FAM161A: variants seen among roughly 807,000 people sequenced by gnomAD.
FAM161A encodes FAM161 centrosomal protein A, also known as protein FAM161A.
Under a neutral mutation model 70.9 loss-of-function variants are expected in FAM161A, and 57 were observed. That is an observed-to-expected ratio of 0.80 (90% CI 0.65 to 1.00). The LOEUF is 1.00. FAM161A is among the 50% of genes least tolerant of loss of function. The pLI, the probability that FAM161A is intolerant of heterozygous loss-of-function variation, is 0.00. For synonymous variants in FAM161A, 299 were observed against 295.7 expected (o/e 1.01, Z -0.12); for missense variants, 880 against 836.0 (o/e 1.05, Z -0.65).
chr2:61,806,678 G>GTTTTTT, the FAM161A span, among the ~76,000 whole-genome samples: 1 of 80,066 alleles, frequency 1.2e-5, no homozygotes, highest in Admixed American at 1.2e-4. Context: ...TGCTTTCCAC[G>GTTTTTT]TCTTTTTTTT....
At chr2:61,811,531 G>A in the FAM161A span, among the ~76,000 whole-genome samples, 4 of 152,168 alleles carry the variant, frequency 2.6e-5, no homozygotes, top group East Asian at 5.8e-4. Context: ...GATCCACCAC[G>A]CCCTGCTAAT....
At position 61,825,637 on chromosome 2, in the gene FAM161A, T is replaced by C. The variant is rs866134535; in HGVS notation, c.*818A>G. The C allele has an allele frequency of 6.9e-6, 3 of 432,896 alleles. No homozygotes were observed. Among genetic ancestry groups the C allele is most frequent in the Middle Eastern group, 7.6e-4 (1 of 1,312 alleles). 26.8% of individuals were successfully genotyped at this position (432,896 alleles called of 1,614,324 possible). Reference sequence around the variant, plus strand: ...ATTTGCAAGTATCCATTTTTTTCTATACTTTTTTTTTTTTTTTGGAGACGG... The same window carrying C: ...ATTTGCAAGTATCCATTTTTTTCTACACTTTTTTTTTTTTTTTGGAGACGG... On this transcript the variant is annotated 3_prime_UTR_variant, in exon 7 of 7. Coordinates refer to ENST00000404929, the MANE Select transcript of FAM161A (RefSeq NM_001201543.2).
chr2:61,836,347 T>A, intron 4 of FAM161A: 1 of 451,648 alleles, frequency 2.2e-6, no homozygotes, highest in Non-Finnish European at 4.0e-6. Context: ...ATCACACATA[T>A]TATGCTCTAG....
At chr2:61,810,401 C>G in the FAM161A span, among the ~76,000 whole-genome samples, 1 of 151,614 alleles carries the variant, frequency 6.6e-6, no homozygotes, top group East Asian at 1.9e-4. Flanking sequence ...ATTCCTTACC[C>G]TACACCTCAC....
At chr2:61,835,915 A>G (rs1292749011) in intron 5 of FAM161A, 95 bp downstream of exon 5, 6 of 840,570 alleles carry the variant, frequency 7.1e-6, no homozygotes, top group Non-Finnish European at 1.2e-5. Flanking sequence ...ACAGTTATAT[A>G]ACACATAAGA....
chr2:61,847,833 C>A (rs573366092), intron 1 of FAM161A, among the ~76,000 whole-genome samples: 1 of 152,118 alleles, frequency 6.6e-6, no homozygotes, highest in African/African-American at 2.4e-5. Flanking sequence ...TGTTGTGTCC[C>A]CAGTGTCTAG....
chr2:61,832,208 G>A (rs1340282233), intron 5 of FAM161A, among the ~76,000 whole-genome samples: 1 of 141,992 alleles, frequency 7.0e-6, no homozygotes, highest in Non-Finnish European at 1.5e-5. Flanking sequence ...TCATGCCACT[G>A]CACTCCAGCC....
intron 5 of FAM161A, chr2:61,835,522 T>C (rs1377614760): frequency 6.6e-6 from 1 of 152,556 alleles, no homozygotes; most frequent in Non-Finnish European, 1.5e-5. Context: ...TTTGTTTCAT[T>C]TTTTTAATTC....
chr2:61,833,850 C>T (rs142048804), intron 5 of FAM161A, among the ~76,000 whole-genome samples: 1 of 152,102 alleles, frequency 6.6e-6, no homozygotes, highest in African/African-American at 2.4e-5. Flanking sequence ...GGCCATACAG[C>T]GAGACCCAGT....
At chr2:61,852,072 C>T (rs780465879) in intron 1 of FAM161A, among the ~76,000 whole-genome samples, 1 of 152,162 alleles carries the variant, frequency 6.6e-6, no homozygotes, top group Non-Finnish European at 1.5e-5. Flanking sequence ...CCAGCCTGTG[C>T]CCCCTGGCTA....
intron 1 of FAM161A, among the ~76,000 whole-genome samples, chr2:61,851,738 G>T (rs1673504160): frequency 6.6e-6 from 1 of 151,636 alleles, no homozygotes; most frequent in Non-Finnish European, 1.5e-5. Context: ...GCCCAATATG[G>T]GCACTGCAAG....
the FAM161A span, among the ~76,000 whole-genome samples, chr2:61,807,222 C>G: frequency 6.6e-6 from 1 of 150,576 alleles, no homozygotes; most frequent in Non-Finnish European, 1.5e-5. Context: ...AAAGCCCAGA[C>G]AACGGAAATG....
At chr2:61,850,462 G>T (rs936816154) in intron 1 of FAM161A, among the ~76,000 whole-genome samples, 1 of 151,906 alleles carries the variant, frequency 6.6e-6, no homozygotes, top group Non-Finnish European at 1.5e-5. Flanking sequence ...TATGTATATC[G>T]ACAGTGGAGC....
chr2:61,853,908 A>G lies in FAM161A; in HGVS notation c.134T>C (p.Ile45Thr). The G allele has an allele frequency of 6.2e-7, 1 of 1,613,920 alleles. No homozygotes were observed. The highest frequency in any genetic ancestry group is 1.3e-5 in the African/African-American group (1 of 75,024). ...TTTCTCCTCCTCTTCGTCCTCCAAG[A>G]TCGCCTCCGCTGCCGCCAGGGCCTT... ...PLKALAAAEA[I>T]LEDEEEEKVA... The change falls in exon 1 of 7, where the codon ATC becomes ACC. Residue 45 changes from isoleucine (I) to threonine (T), a missense_variant. Transcript: ENST00000404929.
the FAM161A span, among the ~76,000 whole-genome samples, chr2:61,804,768 G>GGAAGAA: frequency 8.4e-6 from 1 of 118,952 alleles, no homozygotes; most frequent in East Asian, 2.5e-4. Flanking sequence ...GAAAAAGAAA[G>GGAAGAA]AGAAAGAAAG....
downstream of FAM161A, among the ~76,000 whole-genome samples, chr2:61,822,341 T>C (rs12328612): frequency 0.23 from 35,140 of 151,928 alleles, 4,160 homozygotes; most frequent in African/African-American, 0.24. Context: ...GGTAAGTTAG[T>C]AAACCACAGC....
chr2:61,810,509 A>C, the FAM161A span, among the ~76,000 whole-genome samples: 1 of 120,674 alleles, frequency 8.3e-6, no homozygotes, highest in Non-Finnish European at 1.6e-5. Context: ...TCCAGGCTGG[A>C]GTGCAATGGT....
At position 61,826,439 on chromosome 2, in the gene FAM161A, A is replaced by G. The variant is rs1429109416; in HGVS notation, c.*16T>C. ...TGCAAACAACAGCAAGGGCATAGAG[A>G]GGAGACCTTGATGATTCAGTGTGAT... On this transcript the variant is annotated 3_prime_UTR_variant, in exon 7 of 7. Coordinates refer to ENST00000404929, the MANE Select transcript of FAM161A (RefSeq NM_001201543.2). The G allele has an allele frequency of 1.9e-6, 3 of 1,611,452 alleles. No homozygotes were observed. Among genetic ancestry groups the G allele is most frequent in the Non-Finnish European group, 2.5e-6 (3 of 1,178,460 alleles).
the FAM161A span, chr2:61,803,490 T>A: frequency 2.5e-3 from 1,434 of 567,616 alleles, 4 homozygotes; most frequent in Non-Finnish European, 3.8e-3. Context: ...ATTGCAAGGA[T>A]GTTATCTGCG....
Sources: allele counts gnomAD v4.1 joint callset (sites outside exome capture counted in the v4.1 genomes callset), GRCh38; gene constraint gnomAD v4.1.1; transcripts MANE v1.5; gene names NCBI Gene and HGNC (gene_info 2026-07-23, HGNC 2026-07-21).